The following TUBGCP5 variants were observed in gnomAD, a reference collection of about 807,000 sequenced individuals.
The protein encoded by TUBGCP5 is gamma-tubulin complex component 5.
A neutral mutation model predicts 134.7 loss-of-function variants in TUBGCP5; 98 were observed. The observed-to-expected ratio is 0.73, with a 90% CI of 0.62 to 0.86. The LOEUF is 0.86. Among genes scored for constraint, TUBGCP5 ranks in the 40% least tolerant of loss-of-function variants. The pLI, the probability that TUBGCP5 is intolerant of heterozygous loss-of-function variation, is 0.00. For synonymous variants in TUBGCP5, 456 were observed against 431.4 expected, an observed-to-expected ratio of 1.06 and a Z score of -0.71; for missense variants, 1,150 against 1,244.8, an observed-to-expected ratio of 0.92 and a Z score of 1.15.
chr15:22,999,352 A>G lies in TUBGCP5; in HGVS notation c.*468T>C, dbSNP rs1332006534. Reference sequence around the variant, plus strand: ...TTTTATGTATACAACTCTATACAGTATCTACTAATCTCCAGAAAACCCACC... The same window carrying G: ...TTTTATGTATACAACTCTATACAGTGTCTACTAATCTCCAGAAAACCCACC... On this transcript the variant is annotated 3_prime_UTR_variant, in exon 23 of 23. Transcript: ENST00000615383. The G allele has an allele frequency of 5.2e-6, 1 of 191,360 alleles. No homozygotes were observed. Among genetic ancestry groups the G allele is most frequent in the Admixed American group, 5.3e-5 (1 of 18,942 alleles). The allele number at this position is 191,360 out of a possible 1,614,324, so 11.9% of individuals were successfully genotyped here. A position where few individuals can be genotyped will look rare whatever the true frequency, so the allele number is the denominator to read the frequency against.
At chr15:23,037,185 C>T (rs778326179) in intron 1 of TUBGCP5, 33 bp from the exon 2 acceptor site, 145 of 1,605,520 alleles carry the variant, frequency 9.0e-5, no homozygotes, top group Admixed American at 4.0e-4. Context: ...CTTATGCCAA[C>T]TCTGTCACAC....
At position 23,019,162 on chromosome 15, in the gene TUBGCP5, T is replaced by C. The variant is rs367783135; in HGVS notation, c.1487+57A>G. ...AACTAACGAAAGCATTTGATTTTCA[T>C]GGGGAGGAAACTGGTGATGCCAGCC... On this transcript the variant is annotated intron_variant, in intron 12 of 22. Transcript: ENST00000615383. 21 of 1,247,092 alleles carry C rather than the reference T, an allele frequency of 1.7e-5. No individual in the cohort carries two copies. The South Asian group carries it at 2.5e-4, about 15-fold the overall frequency. The allele number at this position is 1,247,092 out of a possible 1,614,324, so 77.3% of individuals were successfully genotyped here. A position where few individuals can be genotyped will look rare whatever the true frequency, so the allele number is the denominator to read the frequency against.
At chr15:23,012,180 A>G (rs1415535185) in intron 13 of TUBGCP5, among the ~76,000 whole-genome samples, 1 of 151,912 alleles carries the variant, frequency 6.6e-6, no homozygotes, top group Non-Finnish European at 1.5e-5. Context: ...ACAATACTGC[A>G]TAACACTATG....
chr15:22,995,457 A>G (rs1208724125), downstream of TUBGCP5, among the ~76,000 whole-genome samples: 1 of 151,368 alleles, frequency 6.6e-6, no homozygotes, highest in Non-Finnish European at 1.5e-5. Context: ...CTTTAAAGAC[A>G]TTGTGTAACC....
intron 23 of TUBGCP5, among the ~76,000 whole-genome samples, chr15:22,993,305 G>C (rs940284581): frequency 2.1e-4 from 32 of 151,938 alleles, no homozygotes; most frequent in Non-Finnish European, 4.4e-4. Flanking sequence ...TCACCATGTT[G>C]GTCAGGCTGG....
chr15:22,992,946 TA>T (rs199763175), intron 23 of TUBGCP5, among the ~76,000 whole-genome samples: 5 of 147,840 alleles, frequency 3.4e-5, no homozygotes, highest in Non-Finnish European at 7.5e-5. Flanking sequence ...GAGAAAGATT[TA>T]AAAAAAAAAG....
In TUBGCP5 at chr15:22,999,475, AC is replaced by A. The variant is rs1366651862; in HGVS notation, c.*344del. On this transcript the variant is annotated 3_prime_UTR_variant, in exon 23 of 23. Coordinates refer to ENST00000615383, the MANE Select transcript of TUBGCP5 (RefSeq NM_052903.6). The stretch of plus-strand genomic sequence containing the variant: ...CACTGCAGTAGTGCAATCATGGCTC[AC>A]TGTAGCCTTGACCTCCTGGGCTCAA... 3.4e-6 allele frequency: 1 copy of A among 290,030 alleles called. No individual in the cohort carries two copies. The highest frequency in any genetic ancestry group is 4.4e-5 in the Admixed American group (1 of 22,904). 18.0% of individuals were successfully genotyped at this position (290,030 alleles called of 1,614,324 possible). A position where few individuals can be genotyped will look rare whatever the true frequency, so the allele number is the denominator to read the frequency against.
chr15:23,030,742 T>G, intron 6 of TUBGCP5, 143 bp downstream of exon 6: 2 of 788,874 alleles, frequency 2.5e-6, no homozygotes, highest in Admixed American at 6.4e-5. Flanking sequence ...TAGAAAACAT[T>G]ACTAATGGTT....
At chr15:23,004,422 G>A (rs969002625) in intron 19 of TUBGCP5, 195 bp from the exon 20 acceptor site, 4 of 601,962 alleles carry the variant, frequency 6.6e-6, no homozygotes, top group Admixed American at 4.0e-5. Flanking sequence ...AGAGGACGGC[G>A]GGGGCAATCC....
chr15:22,990,224 C>G (rs1004468974), intron 23 of TUBGCP5, among the ~76,000 whole-genome samples: 2 of 151,812 alleles, frequency 1.3e-5, no homozygotes, highest in African/African-American at 4.8e-5. Context: ...ATCAGCACTC[C>G]CCCTCCTTCT....
intron 23 of TUBGCP5, among the ~76,000 whole-genome samples, chr15:22,986,310 A>G (rs1436259267): frequency 6.6e-6 from 1 of 152,052 alleles, no homozygotes; most frequent in Non-Finnish European, 1.5e-5. Flanking sequence ...ATGGATATAC[A>G]AGTAGTATTA....
intron 12 of TUBGCP5, 28 bp from the exon 13 acceptor site, chr15:23,018,069 T>G: frequency 6.4e-7 from 1 of 1,567,632 alleles, no homozygotes; most frequent in Non-Finnish European, 8.7e-7. Context: ...AATTTTAAAC[T>G]CTTATTTCTC....
Position 23,017,683 on chromosome 15 carries a change from AC to A in TUBGCP5, c.1756+89del, listed in dbSNP as rs2065417534. The A allele has an allele frequency of 9.1e-6, 12 of 1,322,488 alleles. No individual in the cohort carries two copies. The South Asian group carries it at 1.9e-4, about 21-fold the overall frequency. The allele number at this position is 1,322,488 out of a possible 1,614,324, so 81.9% of individuals were successfully genotyped here. On this transcript the variant is annotated intron_variant, in intron 13 of 22. Transcript: ENST00000615383. ...AATAAGAGGGTTTGATGACTTGCAA[AC>A]TACAAAATAATTAGGTATCAGGATG...
At chr15:23,007,815 T>C (rs759812228) in intron 16 of TUBGCP5, among the ~76,000 whole-genome samples, 3 of 152,026 alleles carry the variant, frequency 2.0e-5, no homozygotes, top group Admixed American at 1.3e-4. Context: ...ACGGGGAGCA[T>C]AGGGATGAGT....
chr15:23,010,469 C>T (rs2064971212), intron 14 of TUBGCP5, among the ~76,000 whole-genome samples: 1 of 152,152 alleles, frequency 6.6e-6, no homozygotes, highest in Non-Finnish European at 1.5e-5. Flanking sequence ...ATATTATATG[C>T]CAGTGGGGAC....
downstream of TUBGCP5, among the ~76,000 whole-genome samples, chr15:22,997,369 G>A (rs370780083): frequency 3.3e-5 from 5 of 149,872 alleles, no homozygotes; most frequent in East Asian, 2.0e-4. Context: ...TAGTAGAGAC[G>A]GGGTTTCCCC....
rs750684165 is a variant in TUBGCP5 at position 23,008,844 on chromosome 15, A to G, written c.2182T>C (p.Leu728=). 1.9e-6 allele frequency: 3 copies of G among 1,580,070 alleles called. No homozygotes were observed. In the South Asian group the frequency reaches 3.5e-5, roughly 19 times the overall value. The change falls in exon 16 of 23, where the codon TTA becomes CTA. Residue 728 remains leucine (L), a synonymous_variant. Coordinates refer to ENST00000615383, the MANE Select transcript of TUBGCP5 (RefSeq NM_052903.6). ...EYLQAMRNFF[L]MEGGDTMYDF... ...TACATGGTATCTCCTCCTTCCATTA[A>G]GAAAAAATTCCTCATAGCTTGCAAG... is the stretch of plus-strand genomic sequence containing the variant.
chr15:23,035,329 T>TGAAA (rs1555446188), intron 3 of TUBGCP5, among the ~76,000 whole-genome samples: 1 of 134,618 alleles, frequency 7.4e-6, no homozygotes, highest in African/African-American at 2.8e-5. Context: ...CACTCAGTCT[T>TGAAA]AAAAAAAAAA....
At chr15:23,010,856 C>G (rs1472668642) in intron 14 of TUBGCP5, among the ~76,000 whole-genome samples, 1 of 151,898 alleles carries the variant, frequency 6.6e-6, no homozygotes, top group African/African-American at 2.4e-5. Flanking sequence ...GCACATGCCT[C>G]TAGTCCCAGG....
Sources: gnomAD v4.1 joint callset for allele counts (sites outside exome capture counted in the v4.1 genomes callset) on GRCh38, gnomAD v4.1.1 for gene constraint, MANE v1.5 for transcripts, NCBI Gene and HGNC (gene_info 2026-07-23, HGNC 2026-07-21) for gene names.